The following TRPV1 variants were observed in gnomAD, a reference collection of about 807,000 sequenced individuals.
TRPV1 encodes OTRPC1.
Under a neutral mutation model 82.3 loss-of-function variants are expected in TRPV1, and 82 were observed. The ratio of observed to expected loss-of-function variants is 1.00; its 90% CI spans 0.83 to 1.20. The LOEUF (loss-of-function observed/expected upper bound fraction) is 1.20. Among genes scored for constraint, TRPV1 ranks in the 50% most tolerant of loss-of-function variants. The probability of loss-of-function intolerance (pLI) is 0.00; values close to 1 mark genes in which losing one functional copy is unlikely to be tolerated. For missense variants in TRPV1, 1,067 were observed against 1,096.8 expected (o/e 0.97, Z 0.38); for synonymous variants, 515 against 467.7 (o/e 1.10, Z -1.30).
At chr17:3,599,632 C>CTTTTTTTTTTTTTTTTTTT (rs34701684) in intron 2 of TRPV1, among the ~76,000 whole-genome samples, 1 of 141,562 alleles carries the variant, frequency 7.1e-6, no homozygotes, top group African/African-American at 2.7e-5. Context: ...TTTTTCTTTT[C>CTTTTTTTTTTTTTTTTTTT]TTTTTTTTTT....
intron 2 of TRPV1, among the ~76,000 whole-genome samples, chr17:3,599,158 G>A (rs1394107858): frequency 6.6e-6 from 1 of 151,938 alleles, no homozygotes; most frequent in Non-Finnish European, 1.5e-5. Context: ...AGAATCACTT[G>A]AACCCGGGAG....
At chr17:3,571,247 G>T (rs1429994982) in intron 16 of TRPV1, among the ~76,000 whole-genome samples, 1 of 152,174 alleles carries the variant, frequency 6.6e-6, no homozygotes, top group Non-Finnish European at 1.5e-5. Flanking sequence ...CGTCCCCTGG[G>T]GCGCTGAGGA....
chr17:3,576,299 C>A (rs1484356857), intron 13 of TRPV1, among the ~76,000 whole-genome samples: 1 of 151,988 alleles, frequency 6.6e-6, no homozygotes, highest in Non-Finnish European at 1.5e-5. Flanking sequence ...GGGTGGATCA[C>A]CTCAGGTCAG....
intron 16 of TRPV1, among the ~76,000 whole-genome samples, chr17:3,568,116 ATCGAGAC>A (rs1413297235): frequency 2.0e-5 from 3 of 152,092 alleles, no homozygotes; most frequent in African/African-American, 7.2e-5. Flanking sequence ...AGGTCAGGAG[ATCGAGAC>A]CATCCTGGCT....
In TRPV1 at chr17:3,589,800, C is replaced by T. The variant is rs756599146; in HGVS notation, c.1044+7G>A. 1.2e-6 allele frequency: 2 copies of T among 1,606,622 alleles called. No homozygotes were observed. Among genetic ancestry groups the T allele is most frequent in the Non-Finnish European group, 1.7e-6 (2 of 1,176,044 alleles). Reference sequence around the variant, plus strand: ...CCGCACCAGCCTGAGCCGAAGCCCCCTCTTACCCCGATCTTCCCGGTCCCA... The same window carrying T: ...CCGCACCAGCCTGAGCCGAAGCCCCTTCTTACCCCGATCTTCCCGGTCCCA... On this transcript the variant is annotated splice_region_variant and intron_variant, in intron 7 of 16. Coordinates refer to ENST00000572705, the MANE Select transcript of TRPV1 (RefSeq NM_080704.4).
rs1031265187 is a variant in TRPV1, at chr17:3,579,850, TC to T, written c.1547+606del. On this transcript the variant is annotated intron_variant, in intron 11 of 16. Transcript: ENST00000572705. Reference sequence around the variant, plus strand: ...GCGGTGGTTCTCAACCGGGAGTGATTCCGGCACCACCCCCCAAAACAAGTGA... The same window carrying T: ...GCGGTGGTTCTCAACCGGGAGTGATTCGGCACCACCCCCCAAAACAAGTGA... Among the ~76,000 whole-genome samples, 70 of 152,272 alleles carry T rather than the reference TC, an allele frequency of 4.6e-4. 2 individuals carry two copies. In the Middle Eastern group the frequency reaches 0.014, roughly 30 times the overall value.
chr17:3,579,840 C>T (rs900854650), intron 11 of TRPV1, among the ~76,000 whole-genome samples: 2 of 152,112 alleles, frequency 1.3e-5, no homozygotes, highest in Non-Finnish European at 1.5e-5. Context: ...GGTTCTCAAC[C>T]GGGAGTGATT....
chr17:3,581,459 T>A (rs2075008917), intron 10 of TRPV1, among the ~76,000 whole-genome samples: 1 of 152,066 alleles, frequency 6.6e-6, no homozygotes, highest in Admixed American at 6.5e-5. Flanking sequence ...TACTGTAATG[T>A]AAACCATGAG....
In TRPV1 at chr17:3,606,596, T is replaced by C. The variant is rs2075297768; in HGVS notation, c.-34+1831A>G. 2.0e-5 allele frequency among the ~76,000 whole-genome samples: 3 copies of C among 152,104 alleles called. No individual in the cohort carries two copies. The South Asian group carries it at 6.2e-4, about 32-fold the overall frequency. On this transcript the variant is annotated intron_variant, in intron 2 of 16. Coordinates refer to ENST00000572705, the MANE Select transcript of TRPV1 (RefSeq NM_080704.4). ...CAGAAGCATGCCGGCCTCAAACCACTTACTGGCACCTCCTGGGAAGGAGGG... is the reference window on the plus strand; with the variant it reads ...CAGAAGCATGCCGGCCTCAAACCACCTACTGGCACCTCCTGGGAAGGAGGG...
chr17:3,577,011 C>T, intron 13 of TRPV1, 115 bp downstream of exon 13: 1 of 1,068,554 alleles, frequency 9.4e-7, no homozygotes, highest in Non-Finnish European at 1.4e-6. Context: ...TCTCAGTCAC[C>T]TGCAGACATG....
In TRPV1 at chr17:3,577,729, C is replaced by A. The variant is rs200850599; in HGVS notation, c.1582G>T (p.Val528Leu). The change falls in exon 12 of 17, where the codon GTG (valine) becomes TTG (leucine). Residue 528 changes from valine to leucine, a missense_variant. Transcript: ENST00000572705. ...LQSLFMLATV[V>L]LYFSHLKEYV... ...TCCTTGAGGTGGCTGAAGTACAGCA[C>A]CACGGTGGCCAGCATGAACAGTGAC... 1 of 1,592,766 alleles carries A rather than the reference C, an allele frequency of 6.3e-7. No homozygotes were observed. Among genetic ancestry groups the A allele is most frequent in the Non-Finnish European group, 8.5e-7 (1 of 1,170,298 alleles).
chr17:3,574,002 T>A (rs530646373), intron 13 of TRPV1, 47 bp from the exon 14 acceptor site: 5 of 1,485,388 alleles, frequency 3.4e-6, no homozygotes, highest in South Asian at 2.6e-5. Context: ...GAAGCCAATA[T>A]CCCAAGTCCC....
intron 16 of TRPV1, among the ~76,000 whole-genome samples, chr17:3,570,617 G>A (rs535490026): frequency 3.3e-5 from 5 of 152,212 alleles, no homozygotes; most frequent in Admixed American, 6.5e-5. Context: ...CTAGGTAAAC[G>A]TCCTCAATTA....
chr17:3,590,525 C>T (rs2075144078), intron 5 of TRPV1, 133 bp from the exon 6 acceptor site: 37 of 1,374,504 alleles, frequency 2.7e-5, no homozygotes, highest in Non-Finnish European at 3.5e-5. Context: ...GGAGGACCCC[C>T]CCACTGCAGG....
intron 2 of TRPV1, among the ~76,000 whole-genome samples, chr17:3,606,763 G>A (rs534670179): frequency 6.6e-6 from 1 of 152,286 alleles, no homozygotes; most frequent in East Asian, 1.9e-4. Flanking sequence ...AGTCCTCAGA[G>A]GCAGAGTGAA....
In TRPV1 at chr17:3,585,841, A is replaced by G; in HGVS notation, c.1310T>C (p.Phe437Ser). The G allele has an allele frequency of 6.2e-7, 1 of 1,613,922 alleles. No homozygotes were observed. Among genetic ancestry groups the G allele is most frequent in the Non-Finnish European group, 8.5e-7 (1 of 1,179,866 alleles). ...WDRFVKRIFY[F>S]NFLVYCLYMI... The stretch of plus-strand genomic sequence containing the variant: ...GTACAGGCAGTAGACCAGGAAGTTG[A>G]AGTAGAAGATGCGCTTGACGAATCT... The change falls in exon 9 of 17, where the codon TTC (phenylalanine) becomes TCC (serine). Residue 437 changes from phenylalanine to serine, a missense_variant. Phe to Ser is a radical substitution (Grantham distance 155). Transcript: ENST00000572705.
At chr17:3,568,397 C>CA (rs1555548245) in intron 16 of TRPV1, among the ~76,000 whole-genome samples, 1 of 151,492 alleles carries the variant, frequency 6.6e-6, no homozygotes, top group Non-Finnish European at 1.5e-5. Context: ...AGCTCTCTGG[C>CA]AAAGTTAGAC....
chr17:3,594,154 A>AGC (rs2075195890), intron 2 of TRPV1, among the ~76,000 whole-genome samples: 2 of 95,392 alleles, frequency 2.1e-5, no homozygotes, highest in Non-Finnish European at 3.9e-5. Context: ...AAAAAAAAAG[A>AGC]AGCAGCAGCA....
intron 12 of TRPV1, 28 bp from the exon 13 acceptor site, chr17:3,577,220 C>A: frequency 6.4e-7 from 1 of 1,564,996 alleles, no homozygotes; most frequent in Non-Finnish European, 8.7e-7. Flanking sequence ...CTCATCAGAG[C>A]CGAGGCCAGG....
Sources: allele counts gnomAD v4.1 joint callset (sites outside exome capture counted in the v4.1 genomes callset), GRCh38; gene constraint gnomAD v4.1.1; transcripts MANE v1.5; gene names NCBI Gene and HGNC (gene_info 2026-07-23, HGNC 2026-07-21).